The following DMTF1 variants were observed in gnomAD, a reference collection of about 807,000 sequenced individuals.
DMTF1 encodes cyclin D binding myb like transcription factor 1.
Under a neutral mutation model 91.1 loss-of-function variants are expected in DMTF1, and 39 were observed. The observed-to-expected ratio is 0.43, with a 90% CI of 0.33 to 0.56. DMTF1 has a LOEUF of 0.56. Among genes scored for constraint, DMTF1 ranks in the 20% least tolerant of loss-of-function variants. The probability of loss-of-function intolerance (pLI) is 0.05; values close to 1 mark genes in which losing one functional copy is unlikely to be tolerated. For missense variants in DMTF1, 750 were observed against 914.5 expected, an observed-to-expected ratio of 0.82 and a Z score of 2.32; for synonymous variants, 338 against 309.5, an observed-to-expected ratio of 1.09 and a Z score of -0.97.
intron 7 of DMTF1, among the ~76,000 whole-genome samples, 173 bp from the exon 8 acceptor site, chr7:87,179,372 G>A (rs1796887379): frequency 6.6e-6 from 1 of 151,992 alleles, no homozygotes; most frequent in Non-Finnish European, 1.5e-5. Context: ...TGTCACTTTT[G>A]TATCTCTTGC....
chr7:87,185,961 T>C lies in DMTF1; in HGVS notation c.1182T>C (p.His394=), dbSNP rs775851994. 1 of 1,613,818 alleles carries C rather than the reference T, an allele frequency of 6.2e-7. No individual in the cohort carries two copies. The highest frequency in any genetic ancestry group is 1.7e-5 in the Admixed American group (1 of 59,998). The change falls in exon 12 of 18, where the codon CAT becomes CAC. Residue 394 remains histidine, a synonymous_variant. Coordinates refer to ENST00000331242, the MANE Select transcript of DMTF1 (RefSeq NM_001142327.2). ...WWTIKRQIAN[H]KDVSFPVLIK... ...CCATCAAAAGGCAAATTGCAAACCATAAGGATGTTTCGTTCCCTGGTAATG... is the reference window on the plus strand; with the variant it reads ...CCATCAAAAGGCAAATTGCAAACCACAAGGATGTTTCGTTCCCTGGTAATG...
At chr7:87,171,395 A>C (rs1359958663) in intron 5 of DMTF1, among the ~76,000 whole-genome samples, 1 of 152,204 alleles carries the variant, frequency 6.6e-6, no homozygotes, top group African/African-American at 2.4e-5. Flanking sequence ...AAAATGGACA[A>C]GATGTGAACT....
intron 3 of DMTF1, among the ~76,000 whole-genome samples, chr7:87,165,393 T>A (rs1344720989): frequency 6.6e-6 from 1 of 152,234 alleles, no homozygotes; most frequent in Admixed American, 6.5e-5. Flanking sequence ...TAAAAAATTG[T>A]ACACAATCAT....
chr7:87,195,959 T>G lies in DMTF1; in HGVS notation c.*819T>G, dbSNP rs1482896338. On this transcript the variant is annotated 3_prime_UTR_variant, in exon 18 of 18. Transcript: ENST00000331242. Reference sequence around the variant, plus strand: ...TATATAAATTACCGAGAGAATAGTTTGTCATCCACTTAGTGTGTTAGCTGG... The same window carrying G: ...TATATAAATTACCGAGAGAATAGTTGGTCATCCACTTAGTGTGTTAGCTGG... 2 of 152,506 alleles carry G rather than the reference T, an allele frequency of 1.3e-5. No homozygotes were observed. Among genetic ancestry groups the G allele is most frequent in the African/African-American group, 2.4e-5 (1 of 41,550 alleles). 9.4% of individuals were successfully genotyped at this position (152,506 alleles called of 1,614,324 possible). A position where few individuals can be genotyped will look rare whatever the true frequency, so the allele number is the denominator to read the frequency against.
At chr7:87,188,870 A>G (rs1400120202) in intron 13 of DMTF1, among the ~76,000 whole-genome samples, 1 of 152,154 alleles carries the variant, frequency 6.6e-6, no homozygotes, top group Admixed American at 6.5e-5. Context: ...TTCTTTAGGT[A>G]TAAGTCAAAT....
At chr7:87,155,931 T>G (rs1472506074) in intron 1 of DMTF1, among the ~76,000 whole-genome samples, 5 of 152,298 alleles carry the variant, frequency 3.3e-5, no homozygotes, top group Admixed American at 6.5e-5. Flanking sequence ...TGGTCAAAGC[T>G]GATTCATTCA....
At chr7:87,166,687 A>G in intron 4 of DMTF1, 82 bp downstream of exon 4, 2 of 1,390,122 alleles carry the variant, frequency 1.4e-6, no homozygotes, top group South Asian at 1.2e-5. Context: ...TGGCATTTCT[A>G]ATAGACTTGG....
chr7:87,193,183 TC>T lies in DMTF1; in HGVS notation c.1495-13del. 1 of 1,612,258 alleles carries T rather than the reference TC, an allele frequency of 6.2e-7. No homozygotes were observed. Among genetic ancestry groups the T allele is most frequent in the Non-Finnish European group, 8.5e-7 (1 of 1,178,984 alleles). On this transcript the variant is annotated splice_polypyrimidine_tract_variant and intron_variant, in intron 14 of 17. Transcript: ENST00000331242. ...GACTTAATCATTGTTAAACTATCTTTCCTTTTTCCTTTAGTCTTTCCATCTA... is the reference window on the plus strand; with the variant it reads ...GACTTAATCATTGTTAAACTATCTTTCTTTTTCCTTTAGTCTTTCCATCTA...
At chr7:87,176,182 C>T (rs928950141) in intron 7 of DMTF1, among the ~76,000 whole-genome samples, 2 of 152,186 alleles carry the variant, frequency 1.3e-5, no homozygotes, top group Admixed American at 6.5e-5. Context: ...CTGCAACTTT[C>T]CCAACCTAAG....
rs779372247 is a variant in DMTF1 at position 87,173,513 on chromosome 7, GTTTTAC to G, written c.328-15_328-10del. ...TTTTTGTTTTGTTTTGTTTTGTTTT[GTTTTAC>G]TTTTACCTTTTCAAGATTTTGCAGA... On this transcript the variant is annotated splice_polypyrimidine_tract_variant and intron_variant, in intron 5 of 17. Transcript: ENST00000331242. 2.6e-6 allele frequency: 4 copies of G among 1,521,674 alleles called. No homozygotes were observed. Among genetic ancestry groups the G allele is most frequent in the South Asian group, 2.3e-5 (2 of 85,972 alleles). 94.3% of individuals were successfully genotyped at this position (1,521,674 alleles called of 1,614,324 possible).
intron 1 of DMTF1, among the ~76,000 whole-genome samples, chr7:87,157,922 T>C (rs2129048423): frequency 6.6e-6 from 1 of 152,162 alleles, no homozygotes; most frequent in South Asian, 2.1e-4. Context: ...TGTATAATTG[T>C]TTTGTTTGGT....
At chr7:87,194,652 T>A in intron 16 of DMTF1, 32 bp from the exon 17 acceptor site, 1 of 1,524,026 alleles carries the variant, frequency 6.6e-7, no homozygotes, top group African/African-American at 1.4e-5. Flanking sequence ...AGTAAGAATA[T>A]GAGTCAATAT....
chr7:87,176,298 A>G (rs989099711), intron 7 of DMTF1, among the ~76,000 whole-genome samples: 1 of 152,232 alleles, frequency 6.6e-6, no homozygotes, highest in Middle Eastern at 3.2e-3. Flanking sequence ...GGCCATTGAA[A>G]ATGAATCCAG....
At chr7:87,186,484 A>G (rs1229253736) in intron 12 of DMTF1, 1 of 153,590 alleles carries the variant, frequency 6.5e-6, no homozygotes, top group African/African-American at 2.4e-5. Flanking sequence ...CCTGGGCTCA[A>G]GTGATCTTCC....
chr7:87,170,445 C>G (rs757245591), intron 4 of DMTF1, among the ~76,000 whole-genome samples: 4 of 152,230 alleles, frequency 2.6e-5, no homozygotes, highest in Non-Finnish European at 5.9e-5. Context: ...TCCTACTGTT[C>G]TTGTTTAGTC....
At position 87,180,856 on chromosome 7, in the gene DMTF1, C is replaced by CT. The variant is rs397889347; in HGVS notation, c.678-432dup. Among the ~76,000 whole-genome samples, 1,098 of 127,636 alleles carry CT rather than the reference C, an allele frequency of 8.6e-3. 14 individuals carry two copies. Among genetic ancestry groups the CT allele is most frequent in the South Asian group, 0.021 (82 of 3,928 alleles). 83.7% of individuals were successfully genotyped at this position (127,636 alleles called of 152,430 possible). On this transcript the variant is annotated intron_variant, in intron 8 of 17. Coordinates refer to ENST00000331242, the MANE Select transcript of DMTF1 (RefSeq NM_001142327.2). ...TAAAAATAGAAGCATTTATTTTCAACTTTTTTTTTTTTTTTTTTTTTGAGA... is the reference window on the plus strand; with the variant it reads ...TAAAAATAGAAGCATTTATTTTCAACTTTTTTTTTTTTTTTTTTTTTTGAGA...
chr7:87,165,872 T>C (rs982448641), intron 3 of DMTF1, among the ~76,000 whole-genome samples: 2 of 152,248 alleles, frequency 1.3e-5, no homozygotes, highest in Non-Finnish European at 2.9e-5. Flanking sequence ...TTAAATCCAT[T>C]GCATCCTCTC....
In DMTF1 at chr7:87,193,852, G is replaced by C. The variant is rs759825937; in HGVS notation, c.1778G>C (p.Ser593Thr). ...SISQAELTVD[S>T]DIQSSDFPEP... ...TCCCAAGCAGAACTGACAGTCGATA[G>C]TGATATTCAGTCATCTGATTTTCCT... Residue 593 changes from serine (S) to threonine (T), a missense_variant, in exon 16 of 18, where the codon AGT becomes ACT. Transcript: ENST00000331242. 6.2e-7 allele frequency: 1 copy of C among 1,613,376 alleles called. No homozygotes were observed.
In DMTF1 at chr7:87,173,586, G is replaced by C; in HGVS notation, c.379G>C (p.Val127Leu). 3 of 1,611,366 alleles carry C rather than the reference G, an allele frequency of 1.9e-6. No individual in the cohort carries two copies. Among genetic ancestry groups the C allele is most frequent in the Non-Finnish European group, 2.5e-6 (3 of 1,178,742 alleles). ...DEISPLGNEEVSAVSQAWFTT... is the reference protein window; with the variant it reads ...DEISPLGNEELSAVSQAWFTT... ...AATATCTCCCTTGGGTAACGAGGAA[G>C]TTTCAGCAGTTAGCCAAGCATGGTT... is the stretch of plus-strand genomic sequence containing the variant. Residue 127 changes from valine (V) to leucine (L), a missense_variant, in exon 6 of 18, where the codon GTT becomes CTT. Coordinates refer to ENST00000331242, the MANE Select transcript of DMTF1 (RefSeq NM_001142327.2).
Sources: allele counts gnomAD v4.1 joint callset (sites outside exome capture counted in the v4.1 genomes callset), GRCh38; gene constraint gnomAD v4.1.1; transcripts MANE v1.5; gene names NCBI Gene and HGNC (gene_info 2026-07-23, HGNC 2026-07-21).